Variants in GOLM1 observed in about 807,000 individuals in gnomAD.
The protein encoded by GOLM1 is golgi membrane protein 1.
Under a neutral mutation model 50.5 loss-of-function variants are expected in GOLM1, and 31 were observed. The ratio of observed to expected loss-of-function variants is 0.61; its 90% CI spans 0.46 to 0.83. GOLM1 has a LOEUF of 0.83. Ranked by LOEUF, GOLM1 falls within the 40% of genes least tolerant of loss-of-function variation. The pLI is 0.00. For missense variants in GOLM1, 491 were observed against 501.3 expected, an observed-to-expected ratio of 0.98 and a Z score of 0.20; for synonymous variants, 178 against 192.8, an observed-to-expected ratio of 0.92 and a Z score of 0.64.
chr9:86,063,771 T>TA (rs879428555), intron 3 of GOLM1, among the ~76,000 whole-genome samples: 1 of 152,272 alleles, frequency 6.6e-6, no homozygotes, highest in African/African-American at 2.4e-5. Context: ...AAGCCTCCGT[T>TA]ACGCCTTCTA....
chr9:86,047,599 T>A (rs914688600), intron 4 of GOLM1, among the ~76,000 whole-genome samples: 2 of 152,138 alleles, frequency 1.3e-5, no homozygotes, highest in Non-Finnish European at 2.9e-5. Flanking sequence ...CCATGTTGAC[T>A]GCAGTGGTGA....
intron 1 of GOLM1, among the ~76,000 whole-genome samples, chr9:86,094,139 G>A (rs776411078): frequency 2.7e-5 from 4 of 150,144 alleles, no homozygotes; most frequent in South Asian, 2.1e-4. Context: ...AGCAAACTAT[G>A]GCCCACAGGC....
chr9:86,028,154 A>G (rs1832844755), intron 9 of GOLM1, among the ~76,000 whole-genome samples: 1 of 152,156 alleles, frequency 6.6e-6, no homozygotes, highest in African/African-American at 2.4e-5. Context: ...CATGGACCTA[A>G]TGAGAACAAG....
At position 86,046,469 on chromosome 9, in the gene GOLM1, C is replaced by T. The variant is rs370485983; in HGVS notation, c.467+1G>A. On this transcript the variant is annotated splice_donor_variant, in intron 5 of 9. Transcript: ENST00000388712. LOFTEE classifies it high-confidence loss of function. Reference sequence around the variant, plus strand: ...TGGCACGCGCTCTGAGGTGTACTCACAGGTCGTAGGAGAACTTCCTCTCCA... The same window carrying T: ...TGGCACGCGCTCTGAGGTGTACTCATAGGTCGTAGGAGAACTTCCTCTCCA... 1 of 1,581,420 alleles carries T rather than the reference C, an allele frequency of 6.3e-7. No individual in the cohort carries two copies. The highest frequency in any genetic ancestry group is 1.1e-5 in the South Asian group (1 of 90,370).
At chr9:86,053,606 A>ACCAC (rs1833872496) in intron 3 of GOLM1, among the ~76,000 whole-genome samples, 1 of 4,464 alleles carries the variant, frequency 2.2e-4, no homozygotes, top group Non-Finnish European at 4.0e-4. Context: ...CCACACACAC[A>ACCAC]TCACACACCA....
intron 3 of GOLM1, among the ~76,000 whole-genome samples, chr9:86,069,965 C>T (rs1308854285): frequency 1.3e-5 from 2 of 152,012 alleles, no homozygotes; most frequent in African/African-American, 4.8e-5. Context: ...CTCACTGCAA[C>T]CTCCGCCTCC....
chr9:86,031,496 T>C (rs953178347), intron 9 of GOLM1, among the ~76,000 whole-genome samples: 5 of 139,110 alleles, frequency 3.6e-5, no homozygotes, highest in African/African-American at 1.1e-4. Context: ...AGTTTCACTC[T>C]TCTTGCCCAG....
chr9:86,070,744 G>A (rs762913428), intron 3 of GOLM1, among the ~76,000 whole-genome samples: 6 of 152,090 alleles, frequency 3.9e-5, no homozygotes, highest in Admixed American at 6.6e-5. Context: ...CCACGAACTC[G>A]AACTTTTACT....
intron 1 of GOLM1, among the ~76,000 whole-genome samples, chr9:86,096,155 C>A (rs1835349399): frequency 1.3e-5 from 2 of 150,118 alleles, no homozygotes; most frequent in Admixed American, 1.3e-4. Context: ...AAAGTACACA[C>A]CACATGATAA....
At position 86,099,524 on chromosome 9, in the gene GOLM1, C is replaced by G. The variant is rs1835466517; in HGVS notation, c.-135G>C. 1 of 148,976 alleles carries G rather than the reference C, an allele frequency of 6.7e-6. No homozygotes were observed. The highest frequency in any genetic ancestry group is 1.5e-5 in the Non-Finnish European group (1 of 66,888). 9.2% of individuals were successfully genotyped at this position (148,976 alleles called of 1,614,324 possible). ...GCTCCGGCCGGCTCCGCGCCGTGCG[C>G]CCAGCGCCTCCGCGTCCAGCGCCGC... On this transcript the variant is annotated 5_prime_UTR_variant, in exon 1 of 10. Transcript: ENST00000388712.
chr9:86,086,421 A>G (rs1301878229), intron 1 of GOLM1, among the ~76,000 whole-genome samples: 2 of 151,658 alleles, frequency 1.3e-5, no homozygotes, highest in Non-Finnish European at 1.5e-5. Context: ...CTGCCTGTTC[A>G]CTCTGATGAT....
intron 6 of GOLM1, among the ~76,000 whole-genome samples, chr9:86,039,861 G>A (rs1000382570): frequency 1.3e-5 from 2 of 151,984 alleles, no homozygotes; most frequent in African/African-American, 2.4e-5. Flanking sequence ...CCAGCTACTC[G>A]GGAGGCTGAG....
intron 9 of GOLM1, among the ~76,000 whole-genome samples, chr9:86,032,666 AGAT>A (rs1196829437): frequency 6.6e-6 from 1 of 152,192 alleles, no homozygotes; most frequent in African/African-American, 2.4e-5. Flanking sequence ...ATCCTCTTCT[AGAT>A]GACGTATTAA....
intron 1 of GOLM1, among the ~76,000 whole-genome samples, chr9:86,095,074 T>TA (rs71372459): frequency 0.41 from 55,677 of 135,006 alleles, 12,654 homozygotes; most frequent in Non-Finnish European, 0.55. Flanking sequence ...AAACCCCGTC[T>TA]AAAAAAAAAA....
At chr9:86,029,315 A>C (rs1832895852) in intron 9 of GOLM1, among the ~76,000 whole-genome samples, 1 of 152,176 alleles carries the variant, frequency 6.6e-6, no homozygotes, top group Admixed American at 6.5e-5. Flanking sequence ...TGACATTTTA[A>C]ATATAATCAC....
At position 86,027,189 on chromosome 9, in the gene GOLM1, G is replaced by T. The variant is rs549602697; in HGVS notation, c.*628C>A. ...GTTTTGTACATTAAAAATGACAAGG[G>T]TTATTATACAAGTAGCCTTTTAAAA... On this transcript the variant is annotated 3_prime_UTR_variant, in exon 10 of 10. Transcript: ENST00000388712. 1 of 984,400 alleles carries T rather than the reference G, an allele frequency of 1.0e-6. No individual in the cohort carries two copies. The highest frequency in any genetic ancestry group is 1.2e-6 in the Non-Finnish European group (1 of 829,396). The allele number at this position is 984,400 out of a possible 1,614,324, so 61.0% of individuals were successfully genotyped here. A position where few individuals can be genotyped will look rare whatever the true frequency, so the allele number is the denominator to read the frequency against.
chr9:86,072,829 C>T (rs952178207), intron 3 of GOLM1, among the ~76,000 whole-genome samples: 3 of 152,188 alleles, frequency 2.0e-5, no homozygotes, highest in African/African-American at 4.8e-5. Context: ...CTGTATGCTA[C>T]AGCCTAATGC....
intron 8 of GOLM1, among the ~76,000 whole-genome samples, chr9:86,033,965 C>CT (rs36119587): frequency 0.014 from 1,916 of 138,512 alleles, 30 homozygotes; most frequent in African/African-American, 0.031. Flanking sequence ...TAAACAAAAT[C>CT]TTTTTTTTTT....
At chr9:86,054,626 G>A (rs1019000136) in intron 3 of GOLM1, among the ~76,000 whole-genome samples, 2 of 152,118 alleles carry the variant, frequency 1.3e-5, no homozygotes, top group South Asian at 2.1e-4. Flanking sequence ...ATGGTCACCC[G>A]CCTACTAAGA....
Sources: allele counts gnomAD v4.1 joint callset (sites outside exome capture counted in the v4.1 genomes callset), GRCh38; gene constraint gnomAD v4.1.1; transcripts MANE v1.5; gene names NCBI Gene and HGNC (gene_info 2026-07-23, HGNC 2026-07-21).